The following ST3GAL2 variants were observed in gnomAD, a reference collection of about 807,000 sequenced individuals.
ST3GAL2 encodes CMP-N-acetylneuraminate-beta-galactosamide-alpha-2,3-sialyltransferase 2.
In ST3GAL2, 16 loss-of-function variants were observed where a neutral mutation model predicts 37.5. That is an observed-to-expected ratio of 0.43 (90% CI 0.29 to 0.65). The LOEUF (loss-of-function observed/expected upper bound fraction) is 0.65. Among genes scored for constraint, ST3GAL2 ranks in the 30% least tolerant of loss-of-function variants. ST3GAL2 has a pLI of 0.17. For synonymous variants in ST3GAL2, 238 were observed against 202.9 expected (o/e 1.17, Z -1.47); for missense variants, 383 against 487.8 (o/e 0.79, Z 2.02).
intron 1 of ST3GAL2, among the ~76,000 whole-genome samples, chr16:70,404,305 G>C (rs1479079705): frequency 6.6e-6 from 1 of 152,152 alleles, no homozygotes; most frequent in African/African-American, 2.4e-5. Context: ...AGAAAGTTTC[G>C]AGAATGAAGG....
At chr16:70,438,283 T>G (rs1031356951) in intron 1 of ST3GAL2, among the ~76,000 whole-genome samples, 21 of 152,012 alleles carry the variant, frequency 1.4e-4, no homozygotes, top group Non-Finnish European at 2.8e-4. Context: ...GGGGAATGAC[T>G]GGGGGTAAGA....
intron 2 of ST3GAL2, among the ~76,000 whole-genome samples, chr16:70,396,590 C>CA (rs534821885): frequency 1.1e-3 from 167 of 152,030 alleles, no homozygotes; most frequent in Non-Finnish European, 2.0e-3. Flanking sequence ...GAACCTGTAT[C>CA]AAAAAAAAGC....
At chr16:70,409,050 A>AGG (rs951716942) in intron 1 of ST3GAL2, among the ~76,000 whole-genome samples, 31 of 151,862 alleles carry the variant, frequency 2.0e-4, no homozygotes, top group African/African-American at 7.2e-4. Flanking sequence ...CTACCTCAGG[A>AGG]GGGAGCCCCA....
chr16:70,388,985 G>A (rs2047462266), intron 3 of ST3GAL2, among the ~76,000 whole-genome samples: 1 of 147,932 alleles, frequency 6.8e-6, no homozygotes, highest in South Asian at 2.2e-4. Flanking sequence ...TGAGGCAGGT[G>A]ATGTGTTTGA....
At chr16:70,390,511 G>C (rs1008325160) in intron 3 of ST3GAL2, among the ~76,000 whole-genome samples, 5 of 152,244 alleles carry the variant, frequency 3.3e-5, no homozygotes, top group Admixed American at 1.3e-4. Context: ...CCCTGGGCCG[G>C]ATGGAAGCCT....
In ST3GAL2 at chr16:70,399,242, C is replaced by T. The variant is rs536922119; in HGVS notation, c.-712G>A. 4.5e-5 allele frequency: 18 copies of T among 398,794 alleles called. No homozygotes were observed. The Admixed American group carries it at 7.0e-4, about 16-fold the overall frequency. The allele number at this position is 398,794 out of a possible 1,614,324, so 24.7% of individuals were successfully genotyped here. A position where few individuals can be genotyped will look rare whatever the true frequency, so the allele number is the denominator to read the frequency against. ...AGGTGCTGGTCCCTTCTCCTGGTGG[C>T]CCCAGCCCCAGCTGCAGTTGCGTAG... On this transcript the variant is annotated 5_prime_UTR_variant, in exon 2 of 7. Coordinates refer to ENST00000342907, the MANE Select transcript of ST3GAL2 (RefSeq NM_006927.4).
intron 1 of ST3GAL2, among the ~76,000 whole-genome samples, chr16:70,436,471 A>G (rs1481757866): frequency 6.6e-6 from 1 of 151,754 alleles, no homozygotes; most frequent in African/African-American, 2.4e-5. Flanking sequence ...AAAAAAAAAA[A>G]AAAAGACTTC....
chr16:70,436,296 C>T (rs1274145569), intron 1 of ST3GAL2, among the ~76,000 whole-genome samples: 1 of 151,770 alleles, frequency 6.6e-6, no homozygotes, highest in Non-Finnish European at 1.5e-5. Context: ...GGTGTCGTGG[C>T]GTATGCCTGT....
At position 70,383,161 on chromosome 16, in the gene ST3GAL2, C is replaced by T. The variant is rs746339718; in HGVS notation, c.759+29G>A. ...ACAGGCTGGGCCAGCACTGTTTCCA[C>T]TGAGGTGGGGAAGAAGTGGGGAGCT... On this transcript the variant is annotated intron_variant, in intron 5 of 6. Transcript: ENST00000342907. 18 of 1,612,402 alleles carry T rather than the reference C, an allele frequency of 1.1e-5. No individual in the cohort carries two copies. The East Asian group carries it at 2.2e-4, about 20-fold the overall frequency.
chr16:70,408,409 G>A (rs2047608611), intron 1 of ST3GAL2, among the ~76,000 whole-genome samples: 1 of 151,998 alleles, frequency 6.6e-6, no homozygotes, highest in Non-Finnish European at 1.5e-5. Context: ...GGGCGGAGGG[G>A]TGGGGGTGGG....
At chr16:70,395,253 T>A (rs1158471540) in intron 2 of ST3GAL2, 78 bp from the exon 3 acceptor site, 2 of 1,352,938 alleles carry the variant, frequency 1.5e-6, no homozygotes, top group Non-Finnish European at 2.0e-6. Flanking sequence ...CCTCCCCTCC[T>A]CTGCCCTCAC....
Position 70,398,623 on chromosome 16 carries a change from C to T in ST3GAL2, c.-93G>A. ...GCGTAGCCTGCCTATTCTGGCACCA[C>T]ATGCAAAGGGCATAGGGGCACGTGC... is the stretch of plus-strand genomic sequence containing the variant. On this transcript the variant is annotated 5_prime_UTR_variant, in exon 2 of 7. It adds an upstream start codon to the 5' untranslated region. Transcript: ENST00000342907. 7.9e-7 allele frequency: 1 copy of T among 1,270,874 alleles called. No individual in the cohort carries two copies. Among genetic ancestry groups the T allele is most frequent in the African/African-American group, 1.5e-5 (1 of 67,732 alleles). 78.7% of individuals were successfully genotyped at this position (1,270,874 alleles called of 1,614,324 possible).
chr16:70,383,695 C>G (rs1450099080), intron 4 of ST3GAL2, among the ~76,000 whole-genome samples: 1 of 151,530 alleles, frequency 6.6e-6, no homozygotes, highest in East Asian at 1.9e-4. Context: ...TCAGGTGGCC[C>G]CATGGGACCT....
At chr16:70,438,276 G>C (rs2047840205) in intron 1 of ST3GAL2, among the ~76,000 whole-genome samples, 1 of 152,158 alleles carries the variant, frequency 6.6e-6, no homozygotes, top group Admixed American at 6.5e-5. Flanking sequence ...AGTCACAGGG[G>C]AATGACTGGG....
rs2047660923 is a variant in ST3GAL2, at chr16:70,414,400, GCAGGCCTTCACTGACCCAGGTAACA to G, written c.-1003-14892_-1003-14868del. 3.3e-5 allele frequency among the ~76,000 whole-genome samples: 5 copies of G among 152,328 alleles called. No homozygotes were observed. In the South Asian group the frequency reaches 1.0e-3, roughly 32 times the overall value. On this transcript the variant is annotated intron_variant, in intron 1 of 6. Coordinates refer to ENST00000342907, the MANE Select transcript of ST3GAL2 (RefSeq NM_006927.4). ...ACGGGATCTTTCAGATGTGGCCTGG[GCAGGCCTTCACTGACCCAGGTAACA>G]CGGGCCTTCAGTCTCTTCCACACCA...
chr16:70,403,786 T>C (rs936137540), intron 1 of ST3GAL2, among the ~76,000 whole-genome samples: 4 of 152,160 alleles, frequency 2.6e-5, no homozygotes, highest in Non-Finnish European at 5.9e-5. Context: ...CACTCCAGCC[T>C]GGTGACAGAG....
chr16:70,434,089 G>C (rs985762701), intron 1 of ST3GAL2, among the ~76,000 whole-genome samples: 10 of 152,124 alleles, frequency 6.6e-5, no homozygotes, highest in African/African-American at 2.4e-4. Flanking sequence ...CCCAGGAACA[G>C]CAACTTGGAC....
At position 70,377,090 on chromosome 16, in the gene ST3GAL2, G is replaced by A. The variant is rs1232725913; in HGVS notation, c.*4599C>T. The stretch of plus-strand genomic sequence containing the variant: ...TAGCTAGGCTCTAGCTGCTCTGGAG[G>A]CTGAGGTGGGAGGATCACTTGAATC... On this transcript the variant is annotated 3_prime_UTR_variant, in exon 7 of 7. Coordinates refer to ENST00000342907, the MANE Select transcript of ST3GAL2 (RefSeq NM_006927.4). 1 of 151,242 alleles carries A rather than the reference G, an allele frequency of 6.6e-6. No homozygotes were observed. The allele number at this position is 151,242 out of a possible 1,614,324, so 9.4% of individuals were successfully genotyped here. A position where few individuals can be genotyped will look rare whatever the true frequency, so the allele number is the denominator to read the frequency against.
intron 1 of ST3GAL2, among the ~76,000 whole-genome samples, chr16:70,432,510 G>A (rs2047798170): frequency 6.6e-6 from 1 of 152,096 alleles, no homozygotes; most frequent in Admixed American, 6.6e-5. Context: ...ATGGAAGCCT[G>A]ACAATATGTT....
Sources: allele counts gnomAD v4.1 joint callset (sites outside exome capture counted in the v4.1 genomes callset), GRCh38; gene constraint gnomAD v4.1.1; transcripts MANE v1.5; gene names NCBI Gene and HGNC (gene_info 2026-07-23, HGNC 2026-07-21).